TMED9: variants seen among roughly 807,000 people sequenced by gnomAD.
TMED9 encodes transmembrane emp24 domain-containing protein 9.
A neutral mutation model predicts 30.6 loss-of-function variants in TMED9; 22 were observed. The ratio of observed to expected loss-of-function variants is 0.72; its 90% CI spans 0.51 to 1.03. TMED9 has a LOEUF of 1.03. TMED9 is among the 50% of genes least tolerant of loss of function. The pLI, the probability that TMED9 is intolerant of heterozygous loss-of-function variation, is 0.00. For synonymous variants in TMED9, 146 were observed against 122.8 expected, an observed-to-expected ratio of 1.19 and a Z score of -1.25; for missense variants, 251 against 302.1, an observed-to-expected ratio of 0.83 and a Z score of 1.25.
At position 177,596,949 on chromosome 5, in the gene TMED9, G is replaced by A. The variant is rs1172080490; in HGVS notation, c.*1533G>A. On this transcript the variant is annotated 3_prime_UTR_variant, in exon 5 of 5. Transcript: ENST00000332598. ...AGGCTGCTGTTGGGGGTTGGGGGAG[G>A]CAAATGGGCAGGCAGTTTTGAGAAG... Among the ~76,000 whole-genome samples the A allele has an allele frequency of 3.9e-5, 6 of 152,122 alleles. No homozygotes were observed. Among genetic ancestry groups the A allele is most frequent in the African/African-American group, 1.4e-4 (6 of 41,420 alleles).
chr5:177,593,559 C>A, intron 2 of TMED9, 91 bp from the exon 3 acceptor site: 1 of 1,522,532 alleles, frequency 6.6e-7, no homozygotes, highest in South Asian at 1.2e-5. Context: ...CTGTGCCTGT[C>A]AACTTTTGCA....
chr5:177,594,116 T>C, intron 3 of TMED9, 23 bp from the exon 4 acceptor site: 1 of 1,613,676 alleles, frequency 6.2e-7, no homozygotes, highest in Non-Finnish European at 8.5e-7. Context: ...CAGATTTCCC[T>C]TATCTCCTTT....
At position 177,596,957 on chromosome 5, in the gene TMED9, G is replaced by A. The variant is rs1041112949; in HGVS notation, c.*1541G>A. On this transcript the variant is annotated 3_prime_UTR_variant, in exon 5 of 5. Coordinates refer to ENST00000332598, the MANE Select transcript of TMED9 (RefSeq NM_017510.6). ...GTTGGGGGTTGGGGGAGGCAAATGG[G>A]CAGGCAGTTTTGAGAAGAACCTTCT... Among the ~76,000 whole-genome samples, 2 of 152,158 alleles carry A rather than the reference G, an allele frequency of 1.3e-5. No homozygotes were observed. The highest frequency in any genetic ancestry group is 1.5e-5 in the Non-Finnish European group (1 of 68,014).
At chr5:177,593,570 G>C in intron 2 of TMED9, 80 bp from the exon 3 acceptor site, 1 of 1,564,450 alleles carries the variant, frequency 6.4e-7, no homozygotes, top group Non-Finnish European at 8.7e-7. Context: ...AACTTTTGCA[G>C]TACTTAGAGC....
rs897888893 is a variant in TMED9, at chr5:177,596,012, G to C, written c.*596G>C. The C allele has an allele frequency of 6.6e-6, 1 of 152,608 alleles. No individual in the cohort carries two copies. Among genetic ancestry groups the C allele is most frequent in the East Asian group, 1.9e-4 (1 of 5,192 alleles). 9.5% of individuals were successfully genotyped at this position (152,608 alleles called of 1,614,324 possible). Reference sequence around the variant, plus strand: ...TGGGACCAGACCAAGTAGAGGCCTTGGTGCTGGTTGGGGTGGGGCCTGCAG... The same window carrying C: ...TGGGACCAGACCAAGTAGAGGCCTTCGTGCTGGTTGGGGTGGGGCCTGCAG... On this transcript the variant is annotated 3_prime_UTR_variant, in exon 5 of 5. Coordinates refer to ENST00000332598, the MANE Select transcript of TMED9 (RefSeq NM_017510.6).
In TMED9 at chr5:177,592,622, C is replaced by G. The variant is rs758677252; in HGVS notation, c.232C>G (p.Pro78Ala). The change falls in exon 2 of 5, where the codon CCG becomes GCG. Residue 78 changes from proline (P) to alanine (A), a missense_variant. By Grantham distance (27) the Pro-to-Ala change is conservative. Transcript: ENST00000332598. Reference sequence around the variant, plus strand: ...TGACAAGCAGCGGGAGGAGTACCAGCCGGCCACCCCGGGGCTTGGCATGTT... The same window carrying G: ...TGACAAGCAGCGGGAGGAGTACCAGGCGGCCACCCCGGGGCTTGGCATGTT... ...LYDKQREEYQ[P>A]ATPGLGMFVE... is the part of the protein sequence containing the mutation. 1 of 1,613,794 alleles carries G rather than the reference C, an allele frequency of 6.2e-7. No individual in the cohort carries two copies. The highest frequency in any genetic ancestry group is 1.1e-5 in the South Asian group (1 of 91,014).
chr5:177,592,754 C>G, intron 2 of TMED9, 79 bp downstream of exon 2: 1 of 1,017,164 alleles, frequency 9.8e-7, no homozygotes, highest in Non-Finnish European at 1.5e-6. Context: ...GTTCCTGCAT[C>G]TGCTAAAGTG....
chr5:177,592,583 C>A lies in TMED9; in HGVS notation c.193C>A (p.Arg65=), dbSNP rs1561809235. 1 of 1,612,864 alleles carries A rather than the reference C, an allele frequency of 6.2e-7. No homozygotes were observed. Among genetic ancestry groups the A allele is most frequent in the Admixed American group, 1.7e-5 (1 of 59,866 alleles). ...PDETMVIGNY[R]TQLYDKQREE... ...GCCCTGCTTCCCTCAAGGAAACTACCGGACGCAGCTGTATGACAAGCAGCG... is the reference window on the plus strand; with the variant it reads ...GCCCTGCTTCCCTCAAGGAAACTACAGGACGCAGCTGTATGACAAGCAGCG... Residue 65 remains arginine, a synonymous_variant, in exon 2 of 5, where the codon CGG becomes AGG. Coordinates refer to ENST00000332598, the MANE Select transcript of TMED9 (RefSeq NM_017510.6).
At position 177,595,216 on chromosome 5, in the gene TMED9, G is replaced by T. The variant is rs547207372; in HGVS notation, c.559-51G>T. 3.4e-6 allele frequency: 5 copies of T among 1,467,844 alleles called. No homozygotes were observed. In the African/African-American group the frequency reaches 5.7e-5, roughly 17 times the overall value. 90.9% of individuals were successfully genotyped at this position (1,467,844 alleles called of 1,614,324 possible). A position where few individuals can be genotyped will look rare whatever the true frequency, so the allele number is the denominator to read the frequency against. On this transcript the variant is annotated intron_variant, in intron 4 of 4. Transcript: ENST00000332598. ...GGGCATCCTCTTGGTCTGGGAATCA[G>T]CAGTTCTAGCAGCCCCAGCCAACTC...
At chr5:177,594,399 A>G (rs1767647531) in intron 4 of TMED9, 114 bp downstream of exon 4, 3 of 1,296,404 alleles carry the variant, frequency 2.3e-6, no homozygotes, top group Non-Finnish European at 2.1e-6. Flanking sequence ...CCTGCACTGC[A>G]TTGTAGGTCG....
Position 177,594,153 on chromosome 5 carries a change from C to T in TMED9, c.426C>T (p.Asp142=). ...FAGGMLRVHL[D]IQVGEHANDY... ...TCTGTCCTCAGAGAGTTCACCTGGA[C>T]ATCCAGGTAGGTGAACATGCCAATG... The change falls in exon 4 of 5, where the codon GAC becomes GAT. Residue 142 remains aspartate, a synonymous_variant. Coordinates refer to ENST00000332598, the MANE Select transcript of TMED9 (RefSeq NM_017510.6). The T allele has an allele frequency of 6.2e-7, 1 of 1,614,180 alleles. No individual in the cohort carries two copies. Among genetic ancestry groups the T allele is most frequent in the Non-Finnish European group, 8.5e-7 (1 of 1,180,026 alleles).
Position 177,595,254 on chromosome 5 carries a change from T to C in TMED9, c.559-13T>C, listed in dbSNP as rs1197112240. The C allele has an allele frequency of 3.2e-6, 5 of 1,554,774 alleles. No homozygotes were observed. The highest frequency in any genetic ancestry group is 4.4e-6 in the Non-Finnish European group (5 of 1,141,610). ...CCCCAGCCAACTCAGGCTCACCTTA[T>C]ATTCCCCTGCAGTGGCGAGAGGAGC... On this transcript the variant is annotated splice_polypyrimidine_tract_variant and intron_variant, in intron 4 of 4. Coordinates refer to ENST00000332598, the MANE Select transcript of TMED9 (RefSeq NM_017510.6).
At position 177,596,691 on chromosome 5, in the gene TMED9, GC is replaced by G. The variant is rs778734261; in HGVS notation, c.*1276del. On this transcript the variant is annotated 3_prime_UTR_variant, in exon 5 of 5. Coordinates refer to ENST00000332598, the MANE Select transcript of TMED9 (RefSeq NM_017510.6). Reference sequence around the variant, plus strand: ...GAAGGTTGGATTAGAGAAGCCTCGAGCTCCAGGTAAGCGATTTGGACATGCC... The same window carrying G: ...GAAGGTTGGATTAGAGAAGCCTCGAGTCCAGGTAAGCGATTTGGACATGCC... Among the ~76,000 whole-genome samples, 1 of 152,192 alleles carries G rather than the reference GC, an allele frequency of 6.6e-6. No individual in the cohort carries two copies. Among genetic ancestry groups the G allele is most frequent in the African/African-American group, 2.4e-5 (1 of 41,444 alleles).
rs1028121284 is a variant in TMED9, at chr5:177,596,448, T to A, written c.*1032T>A. 4.0e-5 allele frequency among the ~76,000 whole-genome samples: 6 copies of A among 151,618 alleles called. No homozygotes were observed. The highest frequency in any genetic ancestry group is 8.8e-5 in the Non-Finnish European group (6 of 67,940). The stretch of plus-strand genomic sequence containing the variant: ...TAAGGAGGTGCATTGAGCAGGGGAG[T>A]GCTACAGGACAGCCACCCTGGGCTG... On this transcript the variant is annotated 3_prime_UTR_variant, in exon 5 of 5. Transcript: ENST00000332598.
chr5:177,595,164 G>A, intron 4 of TMED9, 103 bp from the exon 5 acceptor site: 1 of 1,331,874 alleles, frequency 7.5e-7, no homozygotes, highest in Non-Finnish European at 1.0e-6. Flanking sequence ...GCACTTGGCT[G>A]GAACCTGGGC....
At chr5:177,593,561 A>G in intron 2 of TMED9, 89 bp from the exon 3 acceptor site, 1 of 1,533,262 alleles carries the variant, frequency 6.5e-7, no homozygotes, top group South Asian at 1.2e-5. Context: ...GTGCCTGTCA[A>G]CTTTTGCAGT....
At position 177,596,399 on chromosome 5, in the gene TMED9, T is replaced by C. The variant is rs897789548; in HGVS notation, c.*983T>C. 6.6e-5 allele frequency among the ~76,000 whole-genome samples: 10 copies of C among 152,182 alleles called. No individual in the cohort carries two copies. The highest frequency in any genetic ancestry group is 4.1e-4 in the South Asian group (2 of 4,836). On this transcript the variant is annotated 3_prime_UTR_variant, in exon 5 of 5. Coordinates refer to ENST00000332598, the MANE Select transcript of TMED9 (RefSeq NM_017510.6). ...CTAGAGTCAGTAAGCAGGATTGTCA[T>C]GGATGCTGCCAGGAAGTGCCTGGTA...
intron 1 of TMED9, 27 bp downstream of exon 1, chr5:177,592,425 G>T: frequency 6.3e-7 from 1 of 1,576,794 alleles, no homozygotes; most frequent in Non-Finnish European, 8.6e-7. Context: ...GAAGGGGCGA[G>T]TTTGGAACGT....
At chr5:177,593,833 G>T (rs532532000) in intron 3 of TMED9, 58 bp downstream of exon 3, 35 of 1,601,710 alleles carry the variant, frequency 2.2e-5, no homozygotes, top group Middle Eastern at 3.3e-4. Context: ...GTGAGGACTG[G>T]GGGACTGGTG....
Sources: allele counts gnomAD v4.1 joint callset (sites outside exome capture counted in the v4.1 genomes callset), GRCh38; gene constraint gnomAD v4.1.1; transcripts MANE v1.5; gene names NCBI Gene and HGNC (gene_info 2026-07-23, HGNC 2026-07-21).